Variants in BSPRY observed in about 807,000 individuals in gnomAD.
The protein encoded by BSPRY is B-box and SPRY domain containing, also known as B box and SPRY domain-containing protein.
A neutral mutation model predicts 38.0 loss-of-function variants in BSPRY; 33 were observed. The ratio of observed to expected loss-of-function variants is 0.87; its 90% CI spans 0.66 to 1.16. The LOEUF (loss-of-function observed/expected upper bound fraction) is 1.16, where lower values mean the gene tolerates loss of function less well. BSPRY is among the 50% of genes most tolerant of loss of function. BSPRY has a pLI of 0.00. For synonymous variants in BSPRY, 224 were observed against 228.5 expected (o/e 0.98, Z 0.18); for missense variants, 523 against 533.2 (o/e 0.98, Z 0.19).
At position 113,364,509 on chromosome 9, in the gene BSPRY, A is replaced by AT. The variant is rs563192093; in HGVS notation, c.557+2121dup. Among the ~76,000 whole-genome samples the AT allele has an allele frequency of 8.6e-3, 1,301 of 150,772 alleles. 20 individuals carry two copies. The highest frequency in any genetic ancestry group is 9.0e-3 in the Non-Finnish European group (609 of 67,996). On this transcript the variant is annotated intron_variant, in intron 4 of 5. Transcript: ENST00000374183. ...GATCTGATTTTTTAATTGATCTTTA[A>AT]TTTTTTATTCAAATGATTCATTTAT...
At chr9:113,362,174 G>GGTGTGTGTGTGT (rs10600721) in intron 3 of BSPRY, among the ~76,000 whole-genome samples, 195 bp from the exon 4 acceptor site, 96 of 141,342 alleles carry the variant, frequency 6.8e-4, no homozygotes, top group Admixed American at 9.1e-4. Flanking sequence ...ATGTGTTATG[G>GGTGTGTGTGTGT]GTGTGTGTGT....
chr9:113,355,579 G>T (rs1834044202), intron 2 of BSPRY, among the ~76,000 whole-genome samples: 1 of 149,684 alleles, frequency 6.7e-6, no homozygotes, highest in African/African-American at 2.5e-5. Context: ...TATGACCTTA[G>T]TACTGTGTTA....
At chr9:113,360,470 C>A (rs1196154961) in intron 2 of BSPRY, 37 bp from the exon 3 acceptor site, 2 of 1,558,082 alleles carry the variant, frequency 1.3e-6, no homozygotes, top group Non-Finnish European at 1.7e-6. Flanking sequence ...CGGGGCTTTG[C>A]ACAGACCACC....
chr9:113,369,752 C>A lies in BSPRY; in HGVS notation c.819C>A (p.Pro273=). 1 of 1,614,252 alleles carries A rather than the reference C, an allele frequency of 6.2e-7. No homozygotes were observed. The highest frequency in any genetic ancestry group is 8.5e-7 in the Non-Finnish European group (1 of 1,180,042). The change falls in exon 6 of 6, where the codon CCC becomes CCA. Residue 273 remains proline (P), a synonymous_variant. Transcript: ENST00000374183. ...GCCCGGAGCGCTTCGACCACTGGCC[C>A]AATGCCCTGGCTGCCACCTCCTTCC... ...ADGPERFDHW[P]NALAATSFQN... is the part of the protein sequence containing the mutation.
chr9:113,369,718 G>A lies in BSPRY; in HGVS notation c.785G>A (p.Cys262Tyr), dbSNP rs762747695. Residue 262 changes from cysteine (C) to tyrosine (Y), a missense_variant, in exon 6 of 6, where the codon TGT (cysteine) becomes TAT (tyrosine). Transcript: ENST00000374183. ...TTCAGCACCAAGAAGTCAAAGGCCT[G>A]TGCAGATGGCCCGGAGCGCTTCGAC... ...LTFSTKKSKA[C>Y]ADGPERFDHW... 3.1e-6 allele frequency: 5 copies of A among 1,614,244 alleles called. No homozygotes were observed. In the South Asian group the frequency reaches 5.5e-5, roughly 18 times the overall value.
chr9:113,351,747 C>G (rs1404588082), intron 1 of BSPRY, among the ~76,000 whole-genome samples: 1 of 152,098 alleles, frequency 6.6e-6, no homozygotes, highest in Non-Finnish European at 1.5e-5. Context: ...AGTCACTTCT[C>G]TTTGGGCCTC....
At position 113,370,809 on chromosome 9, in the gene BSPRY, C is replaced by T. The variant is rs1430259867; in HGVS notation, c.*667C>T. ...TCTTCACAGGCAGAGAAGCCTGTGG[C>T]TAAAGTTTCCACATCCCATTAACTC... On this transcript the variant is annotated 3_prime_UTR_variant, in exon 6 of 6. Coordinates refer to ENST00000374183, the MANE Select transcript of BSPRY (RefSeq NM_017688.3). This position sits in a 1 kb window ranked among gnomAD's most constrained non-coding sequence, Gnocchi z 4.8. 6.6e-6 allele frequency: 1 copy of T among 152,256 alleles called. No individual in the cohort carries two copies. The highest frequency in any genetic ancestry group is 1.5e-5 in the Non-Finnish European group (1 of 68,040). 9.4% of individuals were successfully genotyped at this position (152,256 alleles called of 1,614,324 possible).
At chr9:113,360,883 T>C in intron 3 of BSPRY, 146 bp downstream of exon 3, 1 of 749,676 alleles carries the variant, frequency 1.3e-6, no homozygotes, top group East Asian at 2.7e-5. Flanking sequence ...TTGGCCAAAC[T>C]TTAGTCAGGC....
chr9:113,357,486 A>G (rs1195084718), intron 2 of BSPRY, among the ~76,000 whole-genome samples: 2 of 152,198 alleles, frequency 1.3e-5, no homozygotes, highest in Admixed American at 6.5e-5. Context: ...AGATTAGTCT[A>G]TGAATTTCAT....
intron 3 of BSPRY, among the ~76,000 whole-genome samples, 195 bp from the exon 4 acceptor site, chr9:113,362,174 G>GGGGTGTGTGTGT (rs1554734197): frequency 4.2e-5 from 6 of 141,248 alleles, no homozygotes; most frequent in African/African-American, 1.1e-4. Flanking sequence ...ATGTGTTATG[G>GGGGTGTGTGTGT]GTGTGTGTGT....
intron 2 of BSPRY, among the ~76,000 whole-genome samples, chr9:113,358,715 C>T (rs570716545): frequency 6.6e-6 from 1 of 152,236 alleles, no homozygotes; most frequent in Non-Finnish European, 1.5e-5. Flanking sequence ...GGGAATGGCT[C>T]AACAAACTTG....
Position 113,354,159 on chromosome 9 carries a change from G to A in BSPRY, c.202-81G>A, listed in dbSNP as rs1037511315. 6 of 1,183,402 alleles carry A rather than the reference G, an allele frequency of 5.1e-6. No homozygotes were observed. In the African/African-American group the frequency reaches 9.0e-5, roughly 18 times the overall value. 73.3% of individuals were successfully genotyped at this position (1,183,402 alleles called of 1,614,324 possible). On this transcript the variant is annotated intron_variant, in intron 1 of 5. Coordinates refer to ENST00000374183, the MANE Select transcript of BSPRY (RefSeq NM_017688.3). ...CATGGGAGTGGGTGGCTGACATGTG[G>A]TAACAGGAGAAAATCACTGGGATGG...
At chr9:113,357,886 C>CTATATATA (rs59328879) in intron 2 of BSPRY, among the ~76,000 whole-genome samples, 9 of 96,830 alleles carry the variant, frequency 9.3e-5, no homozygotes, top group African/African-American at 1.3e-4. Flanking sequence ...CTGTAGAGTT[C>CTATATATA]TATATATATA....
intron 2 of BSPRY, among the ~76,000 whole-genome samples, chr9:113,359,319 T>G (rs1301917063): frequency 6.6e-6 from 1 of 152,232 alleles, no homozygotes; most frequent in Non-Finnish European, 1.5e-5. Context: ...CTGACCACTA[T>G]GTTATGTTGC....
intron 1 of BSPRY, among the ~76,000 whole-genome samples, chr9:113,352,480 GAC>G (rs139828518): frequency 6.7e-5 from 10 of 149,764 alleles, no homozygotes; most frequent in Non-Finnish European, 1.0e-4. Context: ...TGGGGAGTGA[GAC>G]ACACACACAC....
At position 113,360,545 on chromosome 9, in the gene BSPRY, G is replaced by T; in HGVS notation, c.339G>T (p.Arg113=). 6.2e-7 allele frequency: 1 copy of T among 1,606,216 alleles called. No individual in the cohort carries two copies. The highest frequency in any genetic ancestry group is 8.5e-7 in the Non-Finnish European group (1 of 1,177,910). Residue 113 remains arginine, a synonymous_variant, in exon 3 of 6, where the codon CGG becomes CGT. Coordinates refer to ENST00000374183, the MANE Select transcript of BSPRY (RefSeq NM_017688.3). ...CAGCGAGGGAACTGGTTATCCAGCGGTTGAGTCTGGTGAGGAGTCTTTGCG... is the reference window on the plus strand; with the variant it reads ...CAGCGAGGGAACTGGTTATCCAGCGTTTGAGTCTGGTGAGGAGTCTTTGCG... ...ASAARELVIQ[R]LSLVRSLCES...
At chr9:113,356,835 T>C (rs1373113138) in intron 2 of BSPRY, among the ~76,000 whole-genome samples, 1 of 151,968 alleles carries the variant, frequency 6.6e-6, no homozygotes, top group East Asian at 1.9e-4. Context: ...TGTGGAGTGA[T>C]GGTTGGCGGA....
In BSPRY at chr9:113,354,314, G is replaced by A; in HGVS notation, c.276G>A (p.Leu92=). The change falls in exon 2 of 6, where the codon CTG becomes CTA. Residue 92 remains leucine, a synonymous_variant. Transcript: ENST00000374183. ...AAITKYVADV[L]PGKNQRAVSM... The stretch of plus-strand genomic sequence containing the variant: ...TCACCAAGTATGTGGCGGACGTCCT[G>A]CCGGGGAAGAATCAAAGAGCAGTGG... 1 of 1,614,126 alleles carries A rather than the reference G, an allele frequency of 6.2e-7. No individual in the cohort carries two copies. Among genetic ancestry groups the A allele is most frequent in the Non-Finnish European group, 8.5e-7 (1 of 1,179,966 alleles).
At chr9:113,362,510 T>C (rs2118921992) in intron 4 of BSPRY, 116 bp downstream of exon 4, 1 of 1,090,764 alleles carries the variant, frequency 9.2e-7, no homozygotes, top group East Asian at 2.4e-5. Flanking sequence ...TGCAGCTGAG[T>C]GGCTTTTCTG....
Sources: gnomAD v4.1 joint callset for allele counts (sites outside exome capture counted in the v4.1 genomes callset) on GRCh38, gnomAD v4.1.1 for gene constraint, Gnocchi (gnomAD v3.1) non-coding constraint, MANE v1.5 for transcripts, NCBI Gene and HGNC (gene_info 2026-07-23, HGNC 2026-07-21) for gene names.